ANO1: variants seen among roughly 807,000 people sequenced by gnomAD.
The protein encoded by ANO1 is anoctamin-1.
A neutral mutation model predicts 124.0 loss-of-function variants in ANO1; 59 were observed. The observed-to-expected ratio is 0.48, with a 90% CI of 0.39 to 0.59. The LOEUF is 0.59. Ranked by LOEUF, ANO1 falls within the 20% of genes least tolerant of loss-of-function variation. The pLI, the probability that ANO1 is intolerant of heterozygous loss-of-function variation, is 0.00. For missense variants in ANO1, 1,059 were observed against 1,328.0 expected (o/e 0.80, Z 3.15); for synonymous variants, 529 against 532.0 (o/e 0.99, Z 0.08).
At chr11:70,118,616 A>G (rs977111009) in intron 8 of ANO1, among the ~76,000 whole-genome samples, 4 of 62,412 alleles carry the variant, frequency 6.4e-5, no homozygotes, top group Non-Finnish European at 1.2e-4. Flanking sequence ...ATGGATGGAT[A>G]GATTATGGAT....
chr11:70,028,477 C>T (rs1404830480), intron 1 of ANO1, among the ~76,000 whole-genome samples: 3 of 152,118 alleles, frequency 2.0e-5, no homozygotes, highest in African/African-American at 7.2e-5. Context: ...GTTCTACTGC[C>T]TGATCCCTGA....
intron 1 of ANO1, among the ~76,000 whole-genome samples, chr11:69,988,282 C>T (rs1170746472): frequency 6.6e-6 from 1 of 152,214 alleles, no homozygotes; most frequent in African/African-American, 2.4e-5. Context: ...AGAGGAAGCA[C>T]TTATCTTGTG....
Position 70,182,600 on chromosome 11 carries a change from C to T in ANO1, c.2502C>T (p.Thr834=), listed in dbSNP as rs754615763. Reference sequence around the variant, plus strand: ...CCATGCACGGCTTCGTCAACCACACCCTCTCCTCCTTCAACGTCAGTGACT... The same window carrying T: ...CCATGCACGGCTTCGTCAACCACACTCTCTCCTCCTTCAACGTCAGTGACT... ...NGTMHGFVNH[T]LSSFNVSDFQ... The change falls in exon 24 of 26, where the codon ACC becomes ACT. Residue 834 remains threonine (T), a synonymous_variant. Coordinates refer to ENST00000355303, the MANE Select transcript of ANO1 (RefSeq NM_018043.7). The T allele has an allele frequency of 8.7e-6, 14 of 1,613,762 alleles. No individual in the cohort carries two copies. The highest frequency in any genetic ancestry group is 2.2e-5 in the East Asian group (1 of 44,870).
chr11:69,969,246 G>A, the ANO1 span, among the ~76,000 whole-genome samples: 12 of 152,268 alleles, frequency 7.9e-5, no homozygotes, highest in Admixed American at 7.8e-4. Context: ...AAGCCCCAGG[G>A]AATCTCCTTC....
chr11:70,147,676 A>G (rs1377389435), intron 11 of ANO1, among the ~76,000 whole-genome samples: 2 of 152,202 alleles, frequency 1.3e-5, no homozygotes, highest in African/African-American at 4.8e-5. Context: ...ATCTCCCTCC[A>G]CTTCCTGGGA....
chr11:70,045,400 T>G (rs1166192226), intron 1 of ANO1, among the ~76,000 whole-genome samples: 3 of 152,238 alleles, frequency 2.0e-5, no homozygotes, highest in Non-Finnish European at 4.4e-5. Context: ...GCCAGGATGT[T>G]AAGAAGCTCT....
chr11:70,041,049 C>T (rs1857175449), intron 1 of ANO1, among the ~76,000 whole-genome samples: 1 of 152,148 alleles, frequency 6.6e-6, no homozygotes, highest in Admixed American at 6.5e-5. Flanking sequence ...AAGGGGGACT[C>T]TCCATTGCCC....
intron 22 of ANO1, among the ~76,000 whole-genome samples, chr11:70,177,670 G>A (rs1195452306): frequency 1.4e-5 from 2 of 140,514 alleles, no homozygotes; most frequent in African/African-American, 5.4e-5. Flanking sequence ...CGCGATCTCG[G>A]CTCACTGCAA....
chr11:70,149,152 C>A (rs1314044455), intron 11 of ANO1, among the ~76,000 whole-genome samples: 1 of 152,088 alleles, frequency 6.6e-6, no homozygotes, highest in African/African-American at 2.4e-5. Flanking sequence ...GAGGCACGGG[C>A]TCTCAGACCA....
intron 1 of ANO1, among the ~76,000 whole-genome samples, chr11:70,038,035 C>A (rs1591050194): frequency 6.6e-6 from 1 of 152,134 alleles, no homozygotes; most frequent in African/African-American, 2.4e-5. Context: ...GCCTGTAATT[C>A]CAGCACTTTG....
intron 1 of ANO1, among the ~76,000 whole-genome samples, chr11:70,005,507 T>C (rs967108278): frequency 2.0e-5 from 3 of 152,246 alleles, no homozygotes; most frequent in Non-Finnish European, 4.4e-5. Flanking sequence ...CAATCTCCGC[T>C]CCTCTGTGGA....
intron 1 of ANO1, among the ~76,000 whole-genome samples, chr11:70,079,889 C>T (rs1565178702): frequency 1.3e-5 from 2 of 152,326 alleles, no homozygotes; most frequent in East Asian, 3.9e-4. Context: ...GGGGGGTGGC[C>T]TGGGGGCATC....
intron 1 of ANO1, among the ~76,000 whole-genome samples, chr11:70,068,109 A>G (rs1416766135): frequency 6.6e-6 from 1 of 152,152 alleles, no homozygotes; most frequent in African/African-American, 2.4e-5. Flanking sequence ...GGGGCTCTCA[A>G]TGGGGCTTTT....
At chr11:70,031,138 T>C (rs1343779032) in intron 1 of ANO1, among the ~76,000 whole-genome samples, 6 of 152,048 alleles carry the variant, frequency 3.9e-5, no homozygotes, top group African/African-American at 1.4e-4. Flanking sequence ...AGAGATGGAG[T>C]TTCACCATGT....
intron 16 of ANO1, among the ~76,000 whole-genome samples, chr11:70,160,852 G>T (rs755135149): frequency 2.0e-5 from 3 of 152,360 alleles, no homozygotes; most frequent in Non-Finnish European, 4.4e-5. Flanking sequence ...CTTGTGAACT[G>T]CAGGCTTGGG....
the ANO1 span, among the ~76,000 whole-genome samples, chr11:69,967,893 G>A: frequency 6.6e-6 from 1 of 152,132 alleles, no homozygotes; most frequent in Admixed American, 6.5e-5. Flanking sequence ...CCCCTCTCTG[G>A]GCCTGGGTCC....
At chr11:70,136,138 C>T (rs922929761) in intron 11 of ANO1, among the ~76,000 whole-genome samples, 11 of 152,232 alleles carry the variant, frequency 7.2e-5, no homozygotes, top group African/African-American at 2.4e-4. Flanking sequence ...GTCCCTCATG[C>T]GTTGGGCTGG....
At chr11:70,136,402 G>GACTCACTC (rs1240817930) in intron 11 of ANO1, among the ~76,000 whole-genome samples, 1 of 152,188 alleles carries the variant, frequency 6.6e-6, no homozygotes, top group Non-Finnish European at 1.5e-5. Flanking sequence ...AGGTGCCCAT[G>GACTCACTC]ACCCTGAGAG....
At chr11:70,142,405 A>G (rs1317870637) in intron 11 of ANO1, among the ~76,000 whole-genome samples, 1 of 152,246 alleles carries the variant, frequency 6.6e-6, no homozygotes, top group Non-Finnish European at 1.5e-5. Context: ...TGCGGGAACT[A>G]AACTTGTTCC....
Sources: gnomAD v4.1 joint callset for allele counts (sites outside exome capture counted in the v4.1 genomes callset) on GRCh38, gnomAD v4.1.1 for gene constraint, MANE v1.5 for transcripts, NCBI Gene and HGNC (gene_info 2026-07-23, HGNC 2026-07-21) for gene names.